Variants in SLC25A26 observed in about 807,000 individuals in gnomAD.
The protein encoded by SLC25A26 is mitochondrial S-adenosylmethionine carrier protein.
In SLC25A26, 36 loss-of-function variants were observed where a neutral mutation model predicts 37.8. The ratio of observed to expected loss-of-function variants is 0.95; its 90% CI spans 0.73 to 1.26. The LOEUF is 1.26. Among genes scored for constraint, SLC25A26 ranks in the 50% most tolerant of loss-of-function variants. SLC25A26 has a pLI of 0.00. For synonymous variants in SLC25A26, 129 were observed against 122.5 expected (o/e 1.05, Z -0.35); for missense variants, 390 against 331.1 (o/e 1.18, Z -1.38).
At chr3:66,246,461 T>C (rs781996888) in intron 3 of SLC25A26, among the ~76,000 whole-genome samples, 1 of 152,136 alleles carries the variant, frequency 6.6e-6, no homozygotes, top group African/African-American at 2.4e-5. Context: ...AGAAAGTCGT[T>C]TATATTCTGA....
intron 1 of SLC25A26, among the ~76,000 whole-genome samples, chr3:66,222,063 A>C (rs1360039451): frequency 6.6e-6 from 1 of 152,096 alleles, no homozygotes; most frequent in Admixed American, 6.5e-5. Context: ...TCAGGGTGTT[A>C]GGGGAATATA....
upstream of SLC25A26, among the ~76,000 whole-genome samples, chr3:66,217,041 A>G (rs2071372113): frequency 6.6e-6 from 1 of 152,224 alleles, no homozygotes; most frequent in African/African-American, 2.4e-5. Context: ...CTTGCATAAA[A>G]GGAGAGACTA....
intron 5 of SLC25A26, among the ~76,000 whole-genome samples, chr3:66,317,781 G>C (rs958841221): frequency 3.3e-5 from 5 of 152,194 alleles, no homozygotes; most frequent in Admixed American, 1.3e-4. Flanking sequence ...AGGGATATCA[G>C]AGTTCTGTCC....
intron 1 of SLC25A26, among the ~76,000 whole-genome samples, chr3:66,203,325 G>T (rs1294996554): frequency 1.3e-5 from 2 of 152,032 alleles, no homozygotes; most frequent in African/African-American, 4.8e-5. Context: ...TGGCTGCAGT[G>T]AGTGGTGATC....
chr3:66,316,023 G>T (rs1416436585), intron 5 of SLC25A26, among the ~76,000 whole-genome samples: 1 of 152,116 alleles, frequency 6.6e-6, no homozygotes, highest in Non-Finnish European at 1.5e-5. Flanking sequence ...TGTGAGATGG[G>T]TCTCTTGAAT....
At chr3:66,276,619 G>C (rs1490700189) in intron 5 of SLC25A26, among the ~76,000 whole-genome samples, 1 of 125,290 alleles carries the variant, frequency 8.0e-6, no homozygotes, top group Non-Finnish European at 1.5e-5. Context: ...TGTTTTGACT[G>C]ATTGTAGTCT....
intron 3 of SLC25A26, among the ~76,000 whole-genome samples, chr3:66,256,951 A>C (rs921134020): frequency 6.6e-6 from 1 of 152,118 alleles, no homozygotes; most frequent in African/African-American, 2.4e-5. Context: ...GGAATTGATG[A>C]TTATTTTTTT....
intron 9 of SLC25A26, among the ~76,000 whole-genome samples, chr3:66,375,528 A>G (rs547981360): frequency 1.3e-5 from 2 of 151,518 alleles, no homozygotes; most frequent in African/African-American, 2.4e-5. Context: ...AGTTGAAGCC[A>G]ATGCTCATTG....
intron 1 of SLC25A26, among the ~76,000 whole-genome samples, chr3:66,160,488 A>G (rs1294112612): frequency 2.0e-5 from 3 of 152,224 alleles, no homozygotes; most frequent in African/African-American, 7.2e-5. Context: ...TTTAAAAGTC[A>G]GATGTGAATG....
At position 66,251,748 on chromosome 3, in the gene SLC25A26, C is replaced by T. The variant is rs576653504; in HGVS notation, c.300+8436C>T. The stretch of plus-strand genomic sequence containing the variant: ...AAGGAACATTGTACCCCATCTGCAT[C>T]CTCACCCCCAGTTTCTCGATGAGTT... On this transcript the variant is annotated intron_variant, in intron 3 of 9. Transcript: ENST00000354883. Among the ~76,000 whole-genome samples the T allele has an allele frequency of 5.9e-5, 9 of 152,236 alleles. 1 individual carries two copies. The South Asian group carries it at 1.7e-3, about 28-fold the overall frequency.
At chr3:66,371,230 G>T in intron 9 of SLC25A26, 1 of 1,534,756 alleles carries the variant, frequency 6.5e-7, no homozygotes, top group South Asian at 1.2e-5. Context: ...TTTCTTGCAA[G>T]AGCAAAGCAG....
chr3:66,265,789 C>T (rs1290070638), intron 5 of SLC25A26, among the ~76,000 whole-genome samples: 5 of 152,082 alleles, frequency 3.3e-5, no homozygotes, highest in Non-Finnish European at 5.9e-5. Flanking sequence ...TGACTTGTGC[C>T]TTTCAGAAAT....
intron 4 of SLC25A26, 96 bp from the exon 5 acceptor site, chr3:66,263,236 G>T: frequency 1.2e-6 from 1 of 836,288 alleles, no homozygotes; most frequent in East Asian, 2.6e-5. Context: ...GAATGTTCTA[G>T]AACTCAAACA....
intron 5 of SLC25A26, among the ~76,000 whole-genome samples, chr3:66,300,263 T>G (rs866689239): frequency 0.015 from 2,228 of 150,076 alleles, 57 homozygotes; most frequent in African/African-American, 0.043. Flanking sequence ...TTTGTTTTTT[T>G]TTTTTTTTTT....
At chr3:66,176,016 A>T (rs962145273) in intron 1 of SLC25A26, among the ~76,000 whole-genome samples, 9 of 92,126 alleles carry the variant, frequency 9.8e-5, no homozygotes, top group Admixed American at 1.5e-4. Flanking sequence ...TTGTTAAATT[A>T]AAAAAAAAAT....
At chr3:66,360,672 G>T (rs1315273840) in intron 6 of SLC25A26, among the ~76,000 whole-genome samples, 1 of 152,226 alleles carries the variant, frequency 6.6e-6, no homozygotes, top group Non-Finnish European at 1.5e-5. Flanking sequence ...ATCAAAACAT[G>T]TGAACTACTT....
chr3:66,339,026 G>A (rs1374233088), intron 5 of SLC25A26, among the ~76,000 whole-genome samples: 1 of 152,004 alleles, frequency 6.6e-6, no homozygotes, highest in Non-Finnish European at 1.5e-5. Flanking sequence ...TTATGCTGCA[G>A]GCTGGGATGC....
intron 1 of SLC25A26, among the ~76,000 whole-genome samples, chr3:66,187,607 TC>T (rs1264849856): frequency 4.6e-5 from 7 of 151,972 alleles, no homozygotes; most frequent in Admixed American, 2.0e-4. Context: ...GTCAACCTAA[TC>T]TTTCCTCTGA....
rs1255588281 is a variant in SLC25A26 at position 66,306,976 on chromosome 3, T to G, written c.454-39388T>G. On this transcript the variant is annotated intron_variant, in intron 5 of 9. Transcript: ENST00000354883. The stretch of plus-strand genomic sequence containing the variant: ...GTGCTGCAGTAAACATATGTGTGTG[T>G]GTGCCTTTATAGTAGAATGATTTGT... Among the ~76,000 whole-genome samples the G allele has an allele frequency of 3.4e-5, 5 of 145,326 alleles. No homozygotes were observed. In the East Asian group the frequency reaches 9.8e-4, roughly 28 times the overall value.
Sources: allele counts gnomAD v4.1 joint callset (sites outside exome capture counted in the v4.1 genomes callset), GRCh38; gene constraint gnomAD v4.1.1; transcripts MANE v1.5; gene names NCBI Gene and HGNC (gene_info 2026-07-23, HGNC 2026-07-21).